The following RUNX2 variants were observed in gnomAD, a reference collection of about 807,000 sequenced individuals.
The protein encoded by RUNX2 is RUNX family transcription factor 2.
Under a neutral mutation model 51.7 loss-of-function variants are expected in RUNX2, and 10 were observed. That is an observed-to-expected ratio of 0.19 (90% CI 0.12 to 0.33). RUNX2 has a LOEUF of 0.33. RUNX2 is among the 10% of genes least tolerant of loss of function. The pLI, the probability that RUNX2 is intolerant of heterozygous loss-of-function variation, is 1.00. For missense variants in RUNX2, 562 were observed against 691.3 expected (o/e 0.81, Z 2.10); for synonymous variants, 276 against 273.6 (o/e 1.01, Z -0.09).
chr6:45,423,089 C>T (rs907794146), intron 3 of RUNX2, 132 bp downstream of exon 3: 2 of 1,165,834 alleles, frequency 1.7e-6, no homozygotes, highest in African/African-American at 3.3e-5. Flanking sequence ...ACCCCAGAAA[C>T]CCCCGGCCGG....
chr6:45,418,512 T>A (rs1469470492), intron 2 of RUNX2, among the ~76,000 whole-genome samples: 1 of 152,214 alleles, frequency 6.6e-6, no homozygotes, highest in Non-Finnish European at 1.5e-5. Flanking sequence ...TTCAAACATT[T>A]TGACGTAGAA....
chr6:45,401,557 T>A (rs537667402), intron 2 of RUNX2, among the ~76,000 whole-genome samples: 41 of 152,348 alleles, frequency 2.7e-4, no homozygotes, highest in African/African-American at 8.2e-4. Context: ...AAAAGAGGTA[T>A]GATTTTTAAA....
chr6:45,438,724 A>G (rs997495465), intron 5 of RUNX2, among the ~76,000 whole-genome samples: 3 of 152,192 alleles, frequency 2.0e-5, no homozygotes, highest in Non-Finnish European at 2.9e-5. Context: ...ACTTGGGCCA[A>G]TATGTATGTT....
chr6:45,512,342 C>A lies in RUNX2; in HGVS notation c.956C>A (p.Thr319Asn). 1.2e-6 allele frequency: 2 copies of A among 1,614,176 alleles called. No homozygotes were observed. Among genetic ancestry groups the A allele is most frequent in the Non-Finnish European group, 1.7e-6 (2 of 1,180,020 alleles). Residue 319 changes from threonine (T) to asparagine (N), a missense_variant, in exon 7 of 9, where the codon ACC becomes AAC. By Grantham distance (65) the Thr-to-Asn change is moderately conservative. Transcript: ENST00000647337. ...ACGTCCCCGTCCATCCACTCTACCA[C>A]CCCGCTGTCTTCCACACGGGGCACT... is the stretch of plus-strand genomic sequence containing the variant. ...QMTSPSIHST[T>N]PLSSTRGTGL... is the part of the protein sequence containing the mutation.
intron 5 of RUNX2, among the ~76,000 whole-genome samples, chr6:45,458,288 A>G (rs1322349384): frequency 2.0e-5 from 3 of 152,116 alleles, no homozygotes; most frequent in Non-Finnish European, 4.4e-5. Flanking sequence ...CAGCCTCCCA[A>G]AGTGCTGGGA....
chr6:45,480,693 T>G (rs1167797518), intron 5 of RUNX2, among the ~76,000 whole-genome samples: 1 of 152,244 alleles, frequency 6.6e-6, no homozygotes, highest in Non-Finnish European at 1.5e-5. Flanking sequence ...AGATTAAAAC[T>G]AAGTACCTTA....
intron 2 of RUNX2, among the ~76,000 whole-genome samples, chr6:45,401,523 C>A (rs1797712144): frequency 6.6e-6 from 1 of 152,124 alleles, no homozygotes; most frequent in Non-Finnish European, 1.5e-5. Context: ...TTCTTTGAGT[C>A]CATTTCTAAG....
intron 2 of RUNX2, among the ~76,000 whole-genome samples, chr6:45,369,053 T>C (rs1337000525): frequency 6.6e-6 from 1 of 152,126 alleles, no homozygotes; most frequent in African/African-American, 2.4e-5. Context: ...CTTCTAGACC[T>C]AGTGTTTAGA....
intron 3 of RUNX2, among the ~76,000 whole-genome samples, chr6:45,430,911 G>A (rs1300601170): frequency 1.3e-5 from 2 of 152,182 alleles, no homozygotes; most frequent in African/African-American, 4.8e-5. Context: ...CAATGGATTA[G>A]GAGGAGTGTT....
At chr6:45,369,779 A>C (rs1049168736) in intron 2 of RUNX2, among the ~76,000 whole-genome samples, 5 of 152,218 alleles carry the variant, frequency 3.3e-5, no homozygotes, top group African/African-American at 1.2e-4. Context: ...GCAAGAGACA[A>C]GCACATAAAC....
At chr6:45,407,487 A>G (rs77735520) in intron 2 of RUNX2, among the ~76,000 whole-genome samples, 10,009 of 151,866 alleles carry the variant, frequency 0.066, 447 homozygotes, top group South Asian at 0.15. Context: ...TTCTTCCACA[A>G]AATCATTTTT....
chr6:45,524,428 C>A (rs1474195645), intron 7 of RUNX2, among the ~76,000 whole-genome samples: 1 of 151,976 alleles, frequency 6.6e-6, no homozygotes, highest in Admixed American at 6.6e-5. Context: ...TAGGAGGAGC[C>A]CTGTGCTTTT....
At chr6:45,538,787 C>T (rs2150445804) in intron 7 of RUNX2, among the ~76,000 whole-genome samples, 1 of 151,930 alleles carries the variant, frequency 6.6e-6, no homozygotes, top group Admixed American at 6.6e-5. Flanking sequence ...CCCAATATAT[C>T]CCATCCTCTC....
rs60322978 is a variant in RUNX2 at position 45,514,937 on chromosome 6, GTT to G, written c.1021+2543_1021+2544del. Among the ~76,000 whole-genome samples, 57 of 141,246 alleles carry G rather than the reference GTT, an allele frequency of 4.0e-4. No homozygotes were observed. In the East Asian group the frequency reaches 4.1e-3, roughly 10 times the overall value. 92.7% of individuals were successfully genotyped at this position (141,246 alleles called of 152,430 possible). A position where few individuals can be genotyped will look rare whatever the true frequency, so the allele number is the denominator to read the frequency against. On this transcript the variant is annotated intron_variant, in intron 7 of 8. Coordinates refer to ENST00000647337, the MANE Select transcript of RUNX2 (RefSeq NM_001024630.4). The stretch of plus-strand genomic sequence containing the variant: ...AAGCATGAGGGGTTTTTTAATTTGG[GTT>G]TTTTTTTTTTTTGTTTGTGTGCTTT...
chr6:45,424,146 G>T (rs1489190770), intron 3 of RUNX2, among the ~76,000 whole-genome samples: 1 of 152,226 alleles, frequency 6.6e-6, no homozygotes, highest in Non-Finnish European at 1.5e-5. Flanking sequence ...TGCCCGGCCC[G>T]TTAGTTTGAG....
intron 3 of RUNX2, among the ~76,000 whole-genome samples, chr6:45,428,714 T>C (rs563491333): frequency 6.6e-5 from 10 of 152,286 alleles, no homozygotes; most frequent in African/African-American, 2.4e-4. Context: ...TTTTCTTTCA[T>C]ATTTTCCCAT....
intron 2 of RUNX2, among the ~76,000 whole-genome samples, chr6:45,346,211 T>A (rs1025648842): frequency 6.0e-5 from 9 of 150,160 alleles, no homozygotes; most frequent in South Asian, 4.1e-4. Context: ...CTCACTCTAC[T>A]TATGTATATA....
Position 45,490,044 on chromosome 6 carries a change from A to C in RUNX2, c.686-1897A>C, listed in dbSNP as rs923580444. ...CCAGCACTGATGGTGCCACGTGATG[A>C]ATGGAAAGCTCAGTCAACTTGGACG... On this transcript the variant is annotated intron_variant, in intron 5 of 8. Coordinates refer to ENST00000647337, the MANE Select transcript of RUNX2 (RefSeq NM_001024630.4). Among the ~76,000 whole-genome samples, 17 of 152,172 alleles carry C rather than the reference A, an allele frequency of 1.1e-4. 1 individual carries two copies. The highest frequency in any genetic ancestry group is 2.5e-4 in the Non-Finnish European group (17 of 68,032).
chr6:45,547,061 G>A lies in RUNX2; in HGVS notation c.1322G>A (p.Ser441Asn). 6 of 1,614,030 alleles carry A rather than the reference G, an allele frequency of 3.7e-6. No individual in the cohort carries two copies. Among genetic ancestry groups the A allele is most frequent in the Non-Finnish European group, 5.1e-6 (6 of 1,180,002 alleles). The part of the protein sequence containing the change: ...QSQSGPFQTS[S>N]TPYLYYGTSS... ...CAGAGTGGACCCTTCCAGACCAGCA[G>A]CACTCCATATCTCTACTATGGCACT... The change falls in exon 9 of 9, where the codon AGC becomes AAC. Residue 441 changes from serine (S) to asparagine (N), a missense_variant. Ser to Asn is a conservative substitution (Grantham distance 46). Transcript: ENST00000647337.
Sources: allele counts gnomAD v4.1 joint callset (sites outside exome capture counted in the v4.1 genomes callset), GRCh38; gene constraint gnomAD v4.1.1; transcripts MANE v1.5; gene names NCBI Gene and HGNC (gene_info 2026-07-23, HGNC 2026-07-21).